EIPR1: variants seen among roughly 807,000 people sequenced by gnomAD.
The protein encoded by EIPR1 is EARP and GARP complex-interacting protein 1.
Under a neutral mutation model 48.1 loss-of-function variants are expected in EIPR1, and 25 were observed. That is an observed-to-expected ratio of 0.52 (90% CI 0.38 to 0.73). EIPR1 has a LOEUF of 0.73. Ranked by LOEUF, EIPR1 falls within the 30% of genes least tolerant of loss-of-function variation. The pLI is 0.00. For synonymous variants in EIPR1, 204 were observed against 201.9 expected (o/e 1.01, Z -0.09); for missense variants, 415 against 506.2 (o/e 0.82, Z 1.73).
rs375103575 is a variant in EIPR1, at chr2:3,341,246, G to A, written c.127-3097C>T. Among the ~76,000 whole-genome samples the A allele has an allele frequency of 4.0e-5, 6 of 151,778 alleles. No individual in the cohort carries two copies. In the South Asian group the frequency reaches 8.3e-4, roughly 21 times the overall value. ...ATGCTGAGTGAGAAAAATCAGACAC[G>A]AGAAGGAGCACCTTGTGCGATTACC... On this transcript the variant is annotated intron_variant, in intron 2 of 8. Coordinates refer to ENST00000382125, the MANE Select transcript of EIPR1 (RefSeq NM_003310.5).
At chr2:3,355,564 T>G (rs1368573462) in intron 1 of EIPR1, among the ~76,000 whole-genome samples, 1 of 152,170 alleles carries the variant, frequency 6.6e-6, no homozygotes, top group Admixed American at 6.5e-5. Context: ...ATCTCAGCAC[T>G]TTGGGAGCCT....
intron 2 of EIPR1, among the ~76,000 whole-genome samples, chr2:3,340,199 C>T (rs1670192520): frequency 6.6e-6 from 1 of 152,186 alleles, no homozygotes; most frequent in African/African-American, 2.4e-5. Context: ...ACAAGGTCAC[C>T]CCAGGGAGTC....
intron 3 of EIPR1, among the ~76,000 whole-genome samples, chr2:3,302,515 G>A (rs1199238119): frequency 3.3e-5 from 5 of 152,198 alleles, no homozygotes. Flanking sequence ...GTTCTTTTCT[G>A]TTGGCTGCTT....
Position 3,250,976 on chromosome 2 carries a change from T to A in EIPR1, c.416+6323A>T, listed in dbSNP as rs185457575. 5.9e-5 allele frequency among the ~76,000 whole-genome samples: 9 copies of A among 152,194 alleles called. No individual in the cohort carries two copies. The East Asian group carries it at 1.7e-3, about 29-fold the overall frequency. ...TTAATAAATTATCCAGTCTCAGTAT[T>A]CCTTTATAGCAATGCAAACAGACTA... On this transcript the variant is annotated intron_variant, in intron 4 of 8. Transcript: ENST00000382125.
intron 5 of EIPR1, among the ~76,000 whole-genome samples, chr2:3,201,643 C>G (rs1665038846): frequency 6.6e-6 from 1 of 152,006 alleles, no homozygotes; most frequent in Non-Finnish European, 1.5e-5. Context: ...GTCCCCCTTG[C>G]AAAGCTACCG....
rs1299595586 is a variant in EIPR1, at chr2:3,196,953, G to A, written c.581C>T (p.Pro194Leu). 1 of 1,613,982 alleles carries A rather than the reference G, an allele frequency of 6.2e-7. No homozygotes were observed. The highest frequency in any genetic ancestry group is 1.7e-5 in the Admixed American group (1 of 60,026). The change falls in exon 6 of 9, where the codon CCA becomes CTA. Residue 194 changes from proline to leucine, a missense_variant. Pro to Leu is a moderately conservative substitution (Grantham distance 98). Coordinates refer to ENST00000382125, the MANE Select transcript of EIPR1 (RefSeq NM_003310.5). ...QLKFTSGRWSPHHNCTQVATA... is the reference protein window; with the variant it reads ...QLKFTSGRWSLHHNCTQVATA... The stretch of plus-strand genomic sequence containing the variant: ...GGCCACCTGGGTGCAGTTATGATGT[G>A]GGCTCCACCGTCCTGAGGTGAACTT...
At chr2:3,337,712 C>T (rs552435610) in intron 3 of EIPR1, among the ~76,000 whole-genome samples, 10 of 152,320 alleles carry the variant, frequency 6.6e-5, no homozygotes, top group African/African-American at 1.7e-4. Flanking sequence ...CTCCCCACAA[C>T]GTACAGTTTC....
chr2:3,250,563 A>T (rs912693403), intron 4 of EIPR1, among the ~76,000 whole-genome samples: 6 of 152,166 alleles, frequency 3.9e-5, no homozygotes, highest in Non-Finnish European at 8.8e-5. Context: ...GAATTTTGTG[A>T]TGTGAGAAGG....
intron 5 of EIPR1, among the ~76,000 whole-genome samples, chr2:3,210,638 TTTTTTTTTTTGAGACG>T (rs1228068951): frequency 6.9e-6 from 1 of 144,862 alleles, no homozygotes; most frequent in Non-Finnish European, 1.5e-5. Context: ...TTTTTTTTTT[TTTTTTTTTTTGAGACG>T]GAGTCTCGCT....
At chr2:3,353,249 CT>C (rs1162185859) in intron 2 of EIPR1, 1 of 471,194 alleles carries the variant, frequency 2.1e-6, no homozygotes, top group Non-Finnish European at 4.4e-6. Context: ...AACACATCCC[CT>C]GTGAAAAGCA....
intron 5 of EIPR1, among the ~76,000 whole-genome samples, chr2:3,201,280 G>A (rs1332927605): frequency 6.6e-6 from 1 of 152,188 alleles, no homozygotes; most frequent in Non-Finnish European, 1.5e-5. Flanking sequence ...CCAAATTCCT[G>A]GAGAAGGAGG....
intron 8 of EIPR1, among the ~76,000 whole-genome samples, chr2:3,191,068 T>A (rs1233674445): frequency 6.6e-6 from 1 of 152,218 alleles, no homozygotes; most frequent in Non-Finnish European, 1.5e-5. Flanking sequence ...CACACCAGCT[T>A]GGGTGACTTT....
intron 4 of EIPR1, 42 bp downstream of exon 4, chr2:3,257,257 C>A: frequency 6.3e-7 from 1 of 1,583,994 alleles, no homozygotes; most frequent in Non-Finnish European, 8.6e-7. Context: ...CCTGGCCAAC[C>A]TGCAGGCTCG....
intron 6 of EIPR1, among the ~76,000 whole-genome samples, chr2:3,196,251 G>C (rs1664803214): frequency 6.6e-6 from 1 of 152,222 alleles, no homozygotes; most frequent in Non-Finnish European, 1.5e-5. Context: ...CGTCTTTTCA[G>C]CTCGGTGATA....
chr2:3,345,726 GAA>G lies in EIPR1; in HGVS notation c.127-7579_127-7578del, dbSNP rs565648767. On this transcript the variant is annotated intron_variant, in intron 2 of 8. Transcript: ENST00000382125. Reference sequence around the variant, plus strand: ...ACAATTCACAGAAGAAAATAAAAAAGAAAGTGCACAGTGGGAGGTGGCACCGT... The same window carrying G: ...ACAATTCACAGAAGAAAATAAAAAAGAGTGCACAGTGGGAGGTGGCACCGT... 8.5e-5 allele frequency among the ~76,000 whole-genome samples: 13 copies of G among 152,162 alleles called. No homozygotes were observed. The South Asian group carries it at 2.7e-3, about 32-fold the overall frequency.
At chr2:3,277,076 A>C (rs1667870988) in intron 3 of EIPR1, among the ~76,000 whole-genome samples, 1 of 152,232 alleles carries the variant, frequency 6.6e-6, no homozygotes, top group Non-Finnish European at 1.5e-5. Context: ...ATGTACGAGG[A>C]AGTCTCAGTA....
intron 1 of EIPR1, chr2:3,377,302 T>TA (rs1207525277): frequency 6.6e-6 from 2 of 301,918 alleles, no homozygotes; most frequent in African/African-American, 4.3e-5. Flanking sequence ...ATTTTTATTT[T>TA]AAACAACATA....
At chr2:3,222,457 G>A (rs544860394) in intron 4 of EIPR1, among the ~76,000 whole-genome samples, 3 of 152,234 alleles carry the variant, frequency 2.0e-5, no homozygotes, top group African/African-American at 7.2e-5. Flanking sequence ...GATCTATGAA[G>A]AAAAAATATA....
chr2:3,243,540 A>G (rs1666702418), intron 4 of EIPR1, among the ~76,000 whole-genome samples: 1 of 152,194 alleles, frequency 6.6e-6, no homozygotes, highest in South Asian at 2.1e-4. Context: ...CTAAGGCAGG[A>G]GAACTGCTTG....
Sources: allele counts gnomAD v4.1 joint callset (sites outside exome capture counted in the v4.1 genomes callset), GRCh38; gene constraint gnomAD v4.1.1; transcripts MANE v1.5; gene names NCBI Gene and HGNC (gene_info 2026-07-23, HGNC 2026-07-21).